Variants in ADAR observed in about 807,000 individuals in gnomAD.
ADAR encodes the protein double-stranded RNA-specific adenosine deaminase.
A neutral mutation model predicts 113.2 loss-of-function variants in ADAR; 41 were observed. The ratio of observed to expected loss-of-function variants is 0.36; its 90% CI spans 0.28 to 0.47. ADAR has a LOEUF of 0.47. Ranked by LOEUF, ADAR falls within the 20% of genes least tolerant of loss-of-function variation. The probability of loss-of-function intolerance (pLI) is 1.00; values close to 1 mark genes in which losing one functional copy is unlikely to be tolerated. For synonymous variants in ADAR, 605 were observed against 572.6 expected, an observed-to-expected ratio of 1.06 and a Z score of -0.81; for missense variants, 1,242 against 1,540.9, an observed-to-expected ratio of 0.81 and a Z score of 3.25.
intron 6 of ADAR, among the ~76,000 whole-genome samples, chr1:154,592,717 A>G (rs753431754): frequency 1.3e-5 from 2 of 152,138 alleles, no homozygotes; most frequent in Non-Finnish European, 2.9e-5. Flanking sequence ...AAATGAAGCG[A>G]AGGGGGCAAA....
intron 10 of ADAR, 73 bp from the exon 11 acceptor site, chr1:154,588,331 G>A (rs1696901006): frequency 6.2e-7 from 1 of 1,606,980 alleles, no homozygotes; most frequent in Non-Finnish European, 8.5e-7. Context: ...AAAACAGTCA[G>A]ATGTGACAGA....
rs183631059 is a variant in ADAR at position 154,595,942 on chromosome 1, T to G, written c.2270+863A>C. Among the ~76,000 whole-genome samples the G allele has an allele frequency of 3.0e-4, 45 of 152,318 alleles. No homozygotes were observed. In the East Asian group the frequency reaches 8.5e-3, roughly 29 times the overall value. On this transcript the variant is annotated intron_variant, in intron 6 of 14. Coordinates refer to ENST00000368474, the MANE Select transcript of ADAR (RefSeq NM_001111.5). ...TTACTGTATCTTTTTGCTGTTTAGATAGACACCAATACTTACCAGTGTGTT... is the reference window on the plus strand; with the variant it reads ...TTACTGTATCTTTTTGCTGTTTAGAGAGACACCAATACTTACCAGTGTGTT...
intron 1 of ADAR, among the ~76,000 whole-genome samples, chr1:154,627,322 A>T (rs893786810): frequency 6.6e-6 from 1 of 152,206 alleles, no homozygotes; most frequent in Non-Finnish European, 1.5e-5. Context: ...AGCTTTCCAC[A>T]GTGGCCTCCT....
Position 154,601,993 on chromosome 1 carries a change from T to A in ADAR, c.649A>T (p.Ser217Cys). 1 of 1,614,210 alleles carries A rather than the reference T, an allele frequency of 6.2e-7. No homozygotes were observed. The highest frequency in any genetic ancestry group is 1.1e-5 in the South Asian group (1 of 91,076). The change falls in exon 2 of 15, where the codon AGC becomes TGC. Residue 217 changes from serine to cysteine, a missense_variant. Ser to Cys is a moderately radical substitution (Grantham distance 112). Around this residue, in one of 2 missense-constraint regions of ADAR, gnomAD observed 462 missense variants for 483.1 expected, o/e 0.96. Transcript: ENST00000368474. This position sits in a 1 kb window ranked among gnomAD's most constrained non-coding sequence, Gnocchi z 4.7. ...HSGVVRPDGH[S>C]QGAPNSDPSL... ...GGGTCTGAGTTTGGGGCTCCTTGGC[T>A]ATGACCGTCTGGTCTTACCACTCCG...
chr1:154,600,277 C>CA (rs1697779239), intron 2 of ADAR: 1 of 152,118 alleles, frequency 6.6e-6, no homozygotes, highest in Admixed American at 6.6e-5. Flanking sequence ...TCTCCTGCCT[C>CA]AGCCTCCCGA....
chr1:154,583,324 C>G lies in ADAR; in HGVS notation c.*1482G>C, dbSNP rs1696531283. ...TGCTCTTGGAGTCATGACCAACACT[C>G]TAAAAGCCAACAAAGTCCCTTCAAC... On this transcript the variant is annotated 3_prime_UTR_variant, in exon 15 of 15. Coordinates refer to ENST00000368474, the MANE Select transcript of ADAR (RefSeq NM_001111.5). 6.6e-6 allele frequency: 1 copy of G among 152,218 alleles called. No homozygotes were observed. The highest frequency in any genetic ancestry group is 1.5e-5 in the Non-Finnish European group (1 of 68,052). 9.4% of individuals were successfully genotyped at this position (152,218 alleles called of 1,614,324 possible).
Position 154,585,062 on chromosome 1 carries a change from T to G in ADAR, c.3444-19A>C, listed in dbSNP as rs1244047137. The G allele has an allele frequency of 6.2e-7, 1 of 1,613,010 alleles. No individual in the cohort carries two copies. Among genetic ancestry groups the G allele is most frequent in the East Asian group, 2.2e-5 (1 of 44,878 alleles). ...CCGTGGCCTAGAGAAACAAAAGCAC[T>G]CATTATTCACCTGGGACCTGTAAGA... On this transcript the variant is annotated intron_variant, in intron 14 of 14. Transcript: ENST00000368474.
chr1:154,626,525 A>G (rs577275037), intron 1 of ADAR, among the ~76,000 whole-genome samples: 28 of 152,330 alleles, frequency 1.8e-4, no homozygotes, highest in African/African-American at 6.7e-4. Flanking sequence ...TCTGCATATC[A>G]TATCTGGCAG....
At chr1:154,599,934 TC>T (rs1697752173) in intron 2 of ADAR, among the ~76,000 whole-genome samples, 1 of 151,950 alleles carries the variant, frequency 6.6e-6, no homozygotes, top group Admixed American at 6.6e-5. Flanking sequence ...CTCCATCCTT[TC>T]CCCCCAGGAG....
intron 6 of ADAR, among the ~76,000 whole-genome samples, chr1:154,593,152 A>AAAC (rs1313850775): frequency 4.6e-5 from 7 of 151,452 alleles, no homozygotes; most frequent in African/African-American, 1.5e-4. Context: ...AAAAAAAAAA[A>AAAC]AAAACAGAAA....
chr1:154,596,779 G>A, intron 6 of ADAR, 26 bp downstream of exon 6: 6 of 1,611,614 alleles, frequency 3.7e-6, no homozygotes, highest in Non-Finnish European at 5.1e-6. Flanking sequence ...GGTGACACAT[G>A]CATTAGCCAG....
upstream of ADAR, among the ~76,000 whole-genome samples, chr1:154,608,486 T>C: frequency 1.7e-5 from 2 of 116,454 alleles, no homozygotes; most frequent in African/African-American, 3.0e-5. Flanking sequence ...GCGCCATCAC[T>C]CCTGGCTTTT....
Position 154,585,033 on chromosome 1 carries a change from C to T in ADAR, c.3454G>A (p.Glu1152Lys), listed in dbSNP as rs1006116725. Reference protein sequence around the residue: ...TRGTVDGPRNELSRVSKKNIF... With the variant: ...TRGTVDGPRNKLSRVSKKNIF... The stretch of plus-strand genomic sequence containing the variant: ...TTCTTTTTGGAGACCCGGGACAATT[C>T]ATTCCGTGGCCTAGAGAAACAAAAG... Residue 1152 changes from glutamate (E) to lysine (K), a missense_variant, in exon 15 of 15, where the codon GAA becomes AAA. Physicochemically the swap from Glu to Lys is moderately conservative, Grantham distance 56. This residue lies in a region of ADAR where 780 missense variants were observed against 1,057.9 expected (regional missense o/e 0.74). Transcript: ENST00000368474. 5.0e-6 allele frequency: 8 copies of T among 1,613,932 alleles called. No individual in the cohort carries two copies. The highest frequency in any genetic ancestry group is 5.9e-6 in the Non-Finnish European group (7 of 1,180,010).
At chr1:154,596,751 T>C in intron 6 of ADAR, 54 bp downstream of exon 6, 2 of 1,603,870 alleles carry the variant, frequency 1.2e-6, no homozygotes, top group Non-Finnish European at 1.7e-6. Flanking sequence ...TTCCCTGGGT[T>C]ACAGACCATC....
Position 154,589,455 on chromosome 1 carries a change from G to T in ADAR, c.2676C>A (p.Arg892=). The change falls in exon 9 of 15, where the codon CGC becomes CGA. Residue 892 remains arginine (R), a synonymous_variant. Transcript: ENST00000368474. The part of the protein sequence containing the change: ...GVVVSLGTGN[R]CVKGDSLSLK... ...GGCTGAGAGAATCTCCTTTCACACA[G>T]CGATTCCCTAGGAAGGTGTTTAAAA... 1 of 1,612,678 alleles carries T rather than the reference G, an allele frequency of 6.2e-7. No individual in the cohort carries two copies. The highest frequency in any genetic ancestry group is 1.1e-5 in the South Asian group (1 of 91,060).
chr1:154,619,832 T>C (rs1279298025), intron 1 of ADAR, among the ~76,000 whole-genome samples: 1 of 152,202 alleles, frequency 6.6e-6, no homozygotes, highest in Non-Finnish European at 1.5e-5. Flanking sequence ...ACTAGCATTT[T>C]TGTATACTGT....
intron 3 of ADAR, 124 bp downstream of exon 3, chr1:154,598,278 G>A: frequency 9.3e-7 from 1 of 1,080,772 alleles, no homozygotes; most frequent in South Asian, 1.3e-5. Context: ...AGGGTAGAGG[G>A]AAGAGTGGGA....
rs749219840 is a variant in ADAR at position 154,601,543 on chromosome 1, T to C, written c.1099A>G (p.Arg367Gly). ...DKKRERMQIK[R>G]NTNSVPETAP... ...GTTTCAGGAACACTGTTCGTATTTC[T>C]CTTGATTTGCATCCTCTCTCGCTTC... is the stretch of plus-strand genomic sequence containing the variant. Residue 367 changes from arginine (R) to glycine (G), a missense_variant, in exon 2 of 15, where the codon AGA becomes GGA. By Grantham distance (125) the Arg-to-Gly change is moderately radical (BLOSUM62 -2). This residue lies in a region of ADAR where 462 missense variants were observed against 483.1 expected (regional missense o/e 0.96). Transcript: ENST00000368474. This position sits in a 1 kb window ranked among gnomAD's most constrained non-coding sequence, Gnocchi z 4.7. 3 of 1,613,226 alleles carry C rather than the reference T, an allele frequency of 1.9e-6. No homozygotes were observed. The highest frequency in any genetic ancestry group is 2.2e-5 in the East Asian group (1 of 44,886).
At chr1:154,588,773 A>C (rs1696933711) in intron 9 of ADAR, 100 bp from the exon 10 acceptor site, 58 of 1,506,312 alleles carry the variant, frequency 3.9e-5, no homozygotes, top group Non-Finnish European at 5.0e-5. Context: ...GAAAAGTCTC[A>C]ATGTTGCAGA....
Sources: allele counts gnomAD v4.1 joint callset (sites outside exome capture counted in the v4.1 genomes callset), GRCh38; gene constraint gnomAD v4.1.1; regional missense constraint gnomAD v4.1.1; non-coding constraint Gnocchi (gnomAD v3.1); transcripts MANE v1.5; gene names NCBI Gene and HGNC (gene_info 2026-07-23, HGNC 2026-07-21).